The following ENOX1 variants were observed in gnomAD, a reference collection of about 807,000 sequenced individuals.
The protein encoded by ENOX1 is ecto-NOX disulfide-thiol exchanger 1, also known as candidate growth-related and time keeping constitutive hydroquinone (NADH) oxidase.
ENOX1 carries 42 observed loss-of-function variants against 82.5 expected under a neutral mutation model. The observed-to-expected ratio is 0.51, with a 90% CI of 0.40 to 0.66. ENOX1 has a LOEUF of 0.66. ENOX1 is among the 30% of genes least tolerant of loss of function. ENOX1 has a pLI of 0.00. For synonymous variants in ENOX1, 271 were observed against 282.2 expected (o/e 0.96, Z 0.40); for missense variants, 608 against 811.6 (o/e 0.75, Z 3.05).
intron 2 of ENOX1, among the ~76,000 whole-genome samples, chr13:43,587,110 G>C (rs964982449): frequency 6.0e-5 from 9 of 151,202 alleles, no homozygotes; most frequent in Non-Finnish European, 1.0e-4. Flanking sequence ...AGAACAATCA[G>C]CTCTGATATC....
chr13:43,368,206 C>T (rs75328804), intron 5 of ENOX1, among the ~76,000 whole-genome samples: 3,318 of 152,276 alleles, frequency 0.022, 44 homozygotes, highest in Non-Finnish European at 0.031. Flanking sequence ...TGGTGCCTGC[C>T]GTGCACACTT....
chr13:43,719,184 CA>C (rs1433957899), intron 1 of ENOX1, among the ~76,000 whole-genome samples: 5 of 152,074 alleles, frequency 3.3e-5, no homozygotes, highest in Admixed American at 6.6e-5. Flanking sequence ...TTTGTTTCCA[CA>C]AAGCTTCTTA....
intron 2 of ENOX1, among the ~76,000 whole-genome samples, chr13:43,649,301 C>T (rs1023429355): frequency 4.6e-5 from 7 of 152,126 alleles, no homozygotes; most frequent in Admixed American, 2.0e-4. Flanking sequence ...TGTCTCAACC[C>T]AGAGTTCCCA....
chr13:43,304,205 G>A (rs2046739757), intron 11 of ENOX1, among the ~76,000 whole-genome samples: 2 of 152,214 alleles, frequency 1.3e-5, no homozygotes, highest in South Asian at 4.1e-4. Flanking sequence ...AACAGTAGCA[G>A]TAATGGGAAT....
chr13:43,780,117 T>C (rs950646134), intron 1 of ENOX1, among the ~76,000 whole-genome samples: 4 of 148,228 alleles, frequency 2.7e-5, no homozygotes, highest in African/African-American at 7.5e-5. Context: ...GCCGAGATGG[T>C]GCCACTGCAC....
At chr13:43,518,835 T>G (rs184557636) in intron 2 of ENOX1, among the ~76,000 whole-genome samples, 60 of 152,314 alleles carry the variant, frequency 3.9e-4, no homozygotes, top group Admixed American at 3.9e-4. Flanking sequence ...CTCTGAGAGA[T>G]AGAATAATTC....
intron 1 of ENOX1, among the ~76,000 whole-genome samples, chr13:43,737,093 C>T (rs1471875375): frequency 6.6e-6 from 1 of 152,160 alleles, no homozygotes; most frequent in African/African-American, 2.4e-5. Flanking sequence ...GCCATTGCAC[C>T]TTATACTTTC....
chr13:43,646,257 A>G (rs1240469862), intron 2 of ENOX1, among the ~76,000 whole-genome samples: 1 of 152,192 alleles, frequency 6.6e-6, no homozygotes, highest in African/African-American at 2.4e-5. Flanking sequence ...AGCATGTATG[A>G]ATCAGGCAGG....
chr13:43,779,776 GCA>G (rs982505101), intron 1 of ENOX1, among the ~76,000 whole-genome samples: 1 of 152,128 alleles, frequency 6.6e-6, no homozygotes, highest in Non-Finnish European at 1.5e-5. Context: ...CAACCTCCAT[GCA>G]CAGTCCACTT....
intron 5 of ENOX1, among the ~76,000 whole-genome samples, chr13:43,405,377 C>A (rs1397275184): frequency 6.6e-6 from 1 of 152,110 alleles, no homozygotes; most frequent in African/African-American, 2.4e-5. Context: ...AACAACCATC[C>A]CTATGTTGTG....
rs1344386868 is a variant in ENOX1, at chr13:43,752,928, C to T, written c.-285+33724G>A. Among the ~76,000 whole-genome samples, 6 of 151,874 alleles carry T rather than the reference C, an allele frequency of 4.0e-5. No individual in the cohort carries two copies. In the East Asian group the frequency reaches 7.7e-4, roughly 20 times the overall value. ...AGAATGGAGTGCAGTGGTGCTATCTCGGCTCACTGCGACCTCTGCCTCCCA... is the reference window on the plus strand; with the variant it reads ...AGAATGGAGTGCAGTGGTGCTATCTTGGCTCACTGCGACCTCTGCCTCCCA... On this transcript the variant is annotated intron_variant, in intron 1 of 16. Coordinates refer to ENST00000690772, the MANE Select transcript of ENOX1 (RefSeq NM_001347969.2).
chr13:43,609,981 G>T, intron 2 of ENOX1: 1 of 783,942 alleles, frequency 1.3e-6, no homozygotes, highest in Non-Finnish European at 1.5e-6. Flanking sequence ...GTTTTATCAG[G>T]AAATAACTTC....
chr13:43,620,123 G>T (rs1210021446), intron 2 of ENOX1, among the ~76,000 whole-genome samples: 1 of 151,934 alleles, frequency 6.6e-6, no homozygotes, highest in East Asian at 1.9e-4. Context: ...TCTTAGTGAG[G>T]TTATTTGGAT....
chr13:43,508,924 A>G (rs1358538496), intron 2 of ENOX1, among the ~76,000 whole-genome samples: 1 of 152,048 alleles, frequency 6.6e-6, no homozygotes, highest in Non-Finnish European at 1.5e-5. Flanking sequence ...AAAAGCATAT[A>G]TATGCATTTA....
Position 43,562,599 on chromosome 13 carries a change from A to T in ENOX1, c.-218-78447T>A, listed in dbSNP as rs549573444. ...CACAGAGTGGCTGAACAGATAAAAC[A>T]AAACTAAACTAAACAAAAAACAAGC... On this transcript the variant is annotated intron_variant, in intron 2 of 16. Coordinates refer to ENST00000690772, the MANE Select transcript of ENOX1 (RefSeq NM_001347969.2). 6.3e-4 allele frequency among the ~76,000 whole-genome samples: 96 copies of T among 152,132 alleles called. 1 individual carries two copies. The highest frequency in any genetic ancestry group is 1.2e-3 in the Non-Finnish European group (80 of 68,002).
At chr13:43,651,937 C>T (rs9533568) in intron 2 of ENOX1, among the ~76,000 whole-genome samples, 21,156 of 137,504 alleles carry the variant, frequency 0.15, 1,914 homozygotes, top group East Asian at 0.4. Context: ...ATCGTGCCAT[C>T]GCAGCCTGGG....
At chr13:43,468,805 C>T (rs2057860257) in intron 3 of ENOX1, among the ~76,000 whole-genome samples, 1 of 152,128 alleles carries the variant, frequency 6.6e-6, no homozygotes, top group Admixed American at 6.5e-5. Context: ...TTGCAGTTTT[C>T]AGCGTGCATG....
At chr13:43,231,678 T>C (rs2042289333) in intron 15 of ENOX1, among the ~76,000 whole-genome samples, 1 of 152,232 alleles carries the variant, frequency 6.6e-6, no homozygotes, top group African/African-American at 2.4e-5. Context: ...CTGTCCTTTC[T>C]TCTGACAAGG....
intron 14 of ENOX1, among the ~76,000 whole-genome samples, chr13:43,259,584 C>T (rs2043940267): frequency 6.6e-6 from 1 of 152,182 alleles, no homozygotes. Context: ...AAGCAATTCT[C>T]CTACCTCAGC....
Sources: allele counts gnomAD v4.1 joint callset (sites outside exome capture counted in the v4.1 genomes callset), GRCh38; gene constraint gnomAD v4.1.1; transcripts MANE v1.5; gene names NCBI Gene and HGNC (gene_info 2026-07-23, HGNC 2026-07-21).